SPRED1: variants seen among roughly 807,000 people sequenced by gnomAD.
SPRED1 encodes the protein sprouty related EVH1 domain containing 1, also known as sprouty-related, EVH1 domain-containing protein 1.
In SPRED1, 18 loss-of-function variants were observed where a neutral mutation model predicts 52.3. That is an observed-to-expected ratio of 0.34 (90% CI 0.24 to 0.51). SPRED1 has a LOEUF of 0.51. Ranked by LOEUF, SPRED1 falls within the 20% of genes least tolerant of loss-of-function variation. The pLI is 0.97. For missense variants in SPRED1, 485 were observed against 551.0 expected (o/e 0.88, Z 1.20); for synonymous variants, 155 against 179.7 (o/e 0.86, Z 1.10).
chr15:38,299,423 GTGGTGGA>G lies in SPRED1; in HGVS notation c.88_94del (p.Gly30TyrfsTer8). 1 of 1,613,980 alleles carries G rather than the reference GTGGTGGA, an allele frequency of 6.2e-7. No homozygotes were observed. Among genetic ancestry groups the G allele is most frequent in the Non-Finnish European group, 8.5e-7 (1 of 1,179,928 alleles). ...GTGGTGATGACCCGAGATGACTCAA[GTGGTGGA>G]TGGTTACCACTTGGAGGGAGTGGAC... On this transcript the variant is annotated frameshift_variant, in exon 2 of 7. Coordinates refer to ENST00000299084, the MANE Select transcript of SPRED1 (RefSeq NM_152594.3). LOFTEE classifies it high-confidence loss of function.
intron 1 of SPRED1, among the ~76,000 whole-genome samples, chr15:38,275,747 C>T (rs969566725): frequency 6.6e-6 from 1 of 152,198 alleles, no homozygotes; most frequent in Admixed American, 6.5e-5. Flanking sequence ...CCACCCACCC[C>T]GGCCTCCCAA....
intron 1 of SPRED1, among the ~76,000 whole-genome samples, chr15:38,292,461 G>A (rs1301393560): frequency 6.6e-6 from 1 of 152,104 alleles, no homozygotes; most frequent in African/African-American, 2.4e-5. Context: ...AGACATACTC[G>A]AGACTGGGAA....
chr15:38,255,571 G>A (rs1894077910), intron 1 of SPRED1, among the ~76,000 whole-genome samples: 1 of 152,110 alleles, frequency 6.6e-6, no homozygotes, highest in African/African-American at 2.4e-5. Flanking sequence ...AGCATTGTTT[G>A]CTTGTGCATT....
chr15:38,341,919 A>G (rs1243548905), intron 5 of SPRED1, among the ~76,000 whole-genome samples: 2 of 151,358 alleles, frequency 1.3e-5, no homozygotes, highest in African/African-American at 4.8e-5. Flanking sequence ...CTTTTTTGAT[A>G]TCTGATTACT....
At chr15:38,314,459 T>C (rs1345215195) in intron 2 of SPRED1, among the ~76,000 whole-genome samples, 1 of 151,940 alleles carries the variant, frequency 6.6e-6, no homozygotes, top group Non-Finnish European at 1.5e-5. Context: ...TATTATAATG[T>C]CAAGTTTAAT....
In SPRED1 at chr15:38,295,274, T is replaced by TA. The variant is rs201648068; in HGVS notation, c.33-4091dup. The stretch of plus-strand genomic sequence containing the variant: ...CACTAACACGATAGCTGATAAACTT[T>TA]AAAAAAAATCACACAAAAATTTCAT... On this transcript the variant is annotated intron_variant, in intron 1 of 6. Transcript: ENST00000299084. Among the ~76,000 whole-genome samples the TA allele has an allele frequency of 1.5e-4, 23 of 150,880 alleles. 1 individual carries two copies. In the South Asian group the frequency reaches 2.9e-3, roughly 19 times the overall value.
Position 38,351,784 on chromosome 15 carries a change from G to A in SPRED1, c.*120G>A, listed in dbSNP as rs910296382. 2 of 1,238,462 alleles carry A rather than the reference G, an allele frequency of 1.6e-6. No homozygotes were observed. The highest frequency in any genetic ancestry group is 2.3e-6 in the Non-Finnish European group (2 of 877,618). The allele number at this position is 1,238,462 out of a possible 1,614,324, so 76.7% of individuals were successfully genotyped here. ...GCCTGGTATCATTGAGCCCACACAT[G>A]GAGGAAGCAGAACTCATCAGTTCTT... On this transcript the variant is annotated 3_prime_UTR_variant, in exon 7 of 7. Coordinates refer to ENST00000299084, the MANE Select transcript of SPRED1 (RefSeq NM_152594.3).
At chr15:38,344,435 A>T (rs760382418) in intron 5 of SPRED1, among the ~76,000 whole-genome samples, 13 of 152,280 alleles carry the variant, frequency 8.5e-5, no homozygotes, top group Middle Eastern at 3.4e-3. Context: ...TTCTCCCAAA[A>T]TAGTGATGGC....
intron 2 of SPRED1, among the ~76,000 whole-genome samples, chr15:38,321,157 C>A (rs1033097703): frequency 6.6e-6 from 1 of 152,078 alleles, no homozygotes; most frequent in African/African-American, 2.4e-5. Context: ...ATATATGTAA[C>A]TCCTTTGAAA....
chr15:38,305,317 A>C (rs976018161), intron 2 of SPRED1, among the ~76,000 whole-genome samples: 1 of 149,584 alleles, frequency 6.7e-6, no homozygotes, highest in Non-Finnish European at 1.5e-5. Flanking sequence ...GGGTAACGAG[A>C]GTGAAACTGT....
At chr15:38,259,477 C>T (rs1244447899) in intron 1 of SPRED1, among the ~76,000 whole-genome samples, 21 of 152,096 alleles carry the variant, frequency 1.4e-4, no homozygotes, top group Admixed American at 1.4e-3. Flanking sequence ...AATTCCTTGG[C>T]TCAAGTGATC....
chr15:38,339,627 G>C (rs563635712), intron 4 of SPRED1, 110 bp from the exon 5 acceptor site: 4 of 1,087,712 alleles, frequency 3.7e-6, no homozygotes, highest in Non-Finnish European at 5.6e-6. Flanking sequence ...CGATGGTAGC[G>C]ATATATACTT....
At chr15:38,318,044 A>G (rs1377578729) in intron 2 of SPRED1, among the ~76,000 whole-genome samples, 1 of 152,064 alleles carries the variant, frequency 6.6e-6, no homozygotes, top group Non-Finnish European at 1.5e-5. Flanking sequence ...AATTATGTAA[A>G]TGAGCAATAG....
intron 2 of SPRED1, among the ~76,000 whole-genome samples, chr15:38,310,154 T>TGTGTGTGTGTGTGTG (rs1566863248): frequency 3.2e-3 from 20 of 6,212 alleles, no homozygotes; most frequent in South Asian, 7.5e-3. Flanking sequence ...TGTGTGTGTG[T>TGTGTGTGTGTGTGTG]TTGGAGACGA....
intron 4 of SPRED1, among the ~76,000 whole-genome samples, chr15:38,333,903 C>T (rs931737693): frequency 2.0e-5 from 3 of 152,018 alleles, no homozygotes; most frequent in Admixed American, 6.6e-5. Flanking sequence ...CAGACTCTGC[C>T]GCCTAGTAAC....
At chr15:38,265,678 A>G (rs377483195) in intron 1 of SPRED1, among the ~76,000 whole-genome samples, 110 of 152,202 alleles carry the variant, frequency 7.2e-4, no homozygotes, top group Middle Eastern at 3.4e-3. Context: ...TATTTCTAGA[A>G]CTTATTAAAA....
chr15:38,287,852 A>T (rs914209677), intron 1 of SPRED1, among the ~76,000 whole-genome samples: 3 of 53,690 alleles, frequency 5.6e-5, no homozygotes, highest in African/African-American at 1.3e-4. Context: ...TTTCACACAG[A>T]TACCGAGGAA....
chr15:38,327,489 C>A (rs374245316), intron 4 of SPRED1, among the ~76,000 whole-genome samples: 151 of 152,240 alleles, frequency 9.9e-4, no homozygotes, highest in African/African-American at 3.5e-3. Context: ...ATCTTGCTTT[C>A]TCTCTTGGAT....
intron 1 of SPRED1, among the ~76,000 whole-genome samples, chr15:38,298,209 A>T (rs1054979615): frequency 2.0e-5 from 3 of 152,192 alleles, no homozygotes; most frequent in African/African-American, 7.2e-5. Flanking sequence ...TGAAAACACC[A>T]AGTATTGGCA....
Sources: gnomAD v4.1 joint callset for allele counts (sites outside exome capture counted in the v4.1 genomes callset) on GRCh38, gnomAD v4.1.1 for gene constraint, MANE v1.5 for transcripts, NCBI Gene and HGNC (gene_info 2026-07-23, HGNC 2026-07-21) for gene names.